The following PLEKHM3 variants were observed in gnomAD, a reference collection of about 807,000 sequenced individuals.
PLEKHM3 encodes pleckstrin homology domain-containing family M member 3.
In PLEKHM3, 45 loss-of-function variants were observed where a neutral mutation model predicts 81.8. The ratio of observed to expected loss-of-function variants is 0.55; its 90% confidence interval spans 0.43 to 0.71. The LOEUF is 0.71. PLEKHM3 is among the 30% of genes least tolerant of loss of function. The probability of loss-of-function intolerance (pLI) is 0.00; values close to 1 mark genes in which losing one functional copy is unlikely to be tolerated. For missense variants in PLEKHM3, 788 were observed against 924.3 expected (o/e 0.85, Z 1.91); for synonymous variants, 352 against 356.4 (o/e 0.99, Z 0.14).
At chr2:207,943,397 C>T (rs1356437564) in intron 4 of PLEKHM3, among the ~76,000 whole-genome samples, 1 of 152,172 alleles carries the variant, frequency 6.6e-6, no homozygotes, top group Non-Finnish European at 1.5e-5. Flanking sequence ...TCACAACATT[C>T]TGGCAGAAGG....
At chr2:208,010,240 C>T (rs889245216) in intron 1 of PLEKHM3, among the ~76,000 whole-genome samples, 3 of 152,232 alleles carry the variant, frequency 2.0e-5, no homozygotes, top group Non-Finnish European at 4.4e-5. Flanking sequence ...GAGACATTTG[C>T]TGCCTCAGAA....
intron 2 of PLEKHM3, among the ~76,000 whole-genome samples, chr2:207,993,887 T>C (rs1238933994): frequency 6.6e-6 from 1 of 152,176 alleles, no homozygotes; most frequent in Non-Finnish European, 1.5e-5. Flanking sequence ...AGAAGTAGAG[T>C]TACAAGACAC....
chr2:207,967,275 A>G (rs1261437236), intron 3 of PLEKHM3, among the ~76,000 whole-genome samples: 2 of 152,160 alleles, frequency 1.3e-5, no homozygotes, highest in African/African-American at 4.8e-5. Flanking sequence ...GATTATTGAC[A>G]TGAGCTACTG....
chr2:207,918,809 A>C (rs763099013), intron 5 of PLEKHM3, among the ~76,000 whole-genome samples: 125 of 152,242 alleles, frequency 8.2e-4, no homozygotes, highest in Non-Finnish European at 4.4e-4. Context: ...AGTGAATATA[A>C]CAGATAAAAA....
chr2:207,828,887 C>T (rs562515202), intron 7 of PLEKHM3, among the ~76,000 whole-genome samples: 2 of 152,270 alleles, frequency 1.3e-5, no homozygotes, highest in South Asian at 2.1e-4. Flanking sequence ...ACACCAGTGA[C>T]AGCCACAGCG....
chr2:207,833,893 T>C (rs1007212465), intron 7 of PLEKHM3, among the ~76,000 whole-genome samples: 2 of 152,214 alleles, frequency 1.3e-5, no homozygotes, highest in Non-Finnish European at 2.9e-5. Context: ...GTAGTGTACT[T>C]ATTCATTTAA....
intron 7 of PLEKHM3, among the ~76,000 whole-genome samples, chr2:207,836,357 A>T (rs2092319621): frequency 6.6e-6 from 1 of 151,360 alleles, no homozygotes; most frequent in Admixed American, 6.6e-5. Context: ...ATGAGACTAT[A>T]TATTTTATGA....
In PLEKHM3 at chr2:207,827,101, T is replaced by A. The variant is rs1002195707; in HGVS notation, c.*1218A>T. 6.6e-6 allele frequency: 1 copy of A among 151,788 alleles called. No individual in the cohort carries two copies. The highest frequency in any genetic ancestry group is 2.4e-5 in the African/African-American group (1 of 41,410). The allele number at this position is 151,788 out of a possible 1,614,324, so 9.4% of individuals were successfully genotyped here. A position where few individuals can be genotyped will look rare whatever the true frequency, so the allele number is the denominator to read the frequency against. On this transcript the variant is annotated 3_prime_UTR_variant, in exon 8 of 8. Transcript: ENST00000427836. Reference sequence around the variant, plus strand: ...TTATATATGTGTGTGTATATATATATATTTATTTAAATAATATTAGATCTA... The same window carrying A: ...TTATATATGTGTGTGTATATATATAAATTTATTTAAATAATATTAGATCTA...
intron 5 of PLEKHM3, among the ~76,000 whole-genome samples, chr2:207,917,018 T>C (rs2105914559): frequency 6.6e-6 from 1 of 152,312 alleles, no homozygotes; most frequent in East Asian, 1.9e-4. Flanking sequence ...ATTAGATCTC[T>C]GGAGAAAAAG....
intron 2 of PLEKHM3, among the ~76,000 whole-genome samples, chr2:207,994,840 T>A (rs1257345031): frequency 1.3e-5 from 2 of 152,134 alleles, no homozygotes; most frequent in African/African-American, 4.8e-5. Flanking sequence ...CCACATCCCA[T>A]CAACTGGTGG....
In PLEKHM3 at chr2:207,930,161, C is replaced by T. The variant is rs74406822; in HGVS notation, c.1886+765G>A. ...TGGTGTTCTATGAACTATGAGCTAA[C>T]TAAGTTACGGGAAAGCAGCCTGCAC... On this transcript the variant is annotated intron_variant, in intron 5 of 7. Transcript: ENST00000427836. Among the ~76,000 whole-genome samples the T allele has an allele frequency of 5.9e-5, 9 of 152,304 alleles. No individual in the cohort carries two copies. In the East Asian group the frequency reaches 1.3e-3, roughly 23 times the overall value.
chr2:207,876,342 T>A (rs2092559784), intron 6 of PLEKHM3, among the ~76,000 whole-genome samples: 1 of 152,182 alleles, frequency 6.6e-6, no homozygotes, highest in Admixed American at 6.5e-5. Context: ...ACAAACATAA[T>A]CTGCATATGC....
chr2:207,828,581 G>A, intron 7 of PLEKHM3, 85 bp from the exon 8 acceptor site: 1 of 1,379,002 alleles, frequency 7.3e-7, no homozygotes, highest in Non-Finnish European at 1.0e-6. Flanking sequence ...AGGTGCAGCT[G>A]GTGGCACAAT....
rs1023686676 is a variant in PLEKHM3 at position 207,828,576 on chromosome 2, C to T, written c.2109-80G>A. 8.6e-6 allele frequency: 12 copies of T among 1,390,718 alleles called. No homozygotes were observed. The African/African-American group carries it at 1.6e-4, about 18-fold the overall frequency. The allele number at this position is 1,390,718 out of a possible 1,614,324, so 86.1% of individuals were successfully genotyped here. ...ATGGGAAGCCCTGTGGCCTCAGGTG[C>T]AGCTGGTGGCACAATCTACTGTTCT... On this transcript the variant is annotated intron_variant, in intron 7 of 7. Coordinates refer to ENST00000427836, the MANE Select transcript of PLEKHM3 (RefSeq NM_001080475.3).
chr2:207,847,398 T>C (rs1230110180), intron 7 of PLEKHM3, among the ~76,000 whole-genome samples: 1 of 152,070 alleles, frequency 6.6e-6, no homozygotes, highest in Non-Finnish European at 1.5e-5. Context: ...GCTGAAGAGT[T>C]TTCATTAAAG....
At position 207,821,416 on chromosome 2, in the gene PLEKHM3, T is replaced by C. The variant is rs536455495; in HGVS notation, c.*6903A>G. 75 of 152,358 alleles carry C rather than the reference T, an allele frequency of 4.9e-4. 1 individual carries two copies. Among genetic ancestry groups the C allele is most frequent in the Middle Eastern group, 6.8e-3 (2 of 294 alleles). The allele number at this position is 152,358 out of a possible 1,614,324, so 9.4% of individuals were successfully genotyped here. A position where few individuals can be genotyped will look rare whatever the true frequency, so the allele number is the denominator to read the frequency against. ...TGTCAACAATACAACTTCAATTTTA[T>C]ATTATTACAGTTACTGATATTTTTA... On this transcript the variant is annotated 3_prime_UTR_variant, in exon 8 of 8. Transcript: ENST00000427836.
intron 3 of PLEKHM3, among the ~76,000 whole-genome samples, chr2:207,951,746 C>T (rs1031391234): frequency 6.6e-6 from 1 of 152,204 alleles, no homozygotes; most frequent in African/African-American, 2.4e-5. Context: ...CATACTTCTC[C>T]ACAAAAGCAC....
intron 7 of PLEKHM3, 141 bp from the exon 8 acceptor site, chr2:207,828,637 TGAA>T: frequency 2.7e-6 from 2 of 754,520 alleles, no homozygotes; most frequent in Non-Finnish European, 4.2e-6. Flanking sequence ...GATGACTCAC[TGAA>T]ATGAACTGTT....
intron 7 of PLEKHM3, among the ~76,000 whole-genome samples, chr2:207,830,432 G>A (rs1208617718): frequency 6.6e-6 from 1 of 151,916 alleles, no homozygotes; most frequent in Non-Finnish European, 1.5e-5. Context: ...TGGCCAACAT[G>A]GTGAAACCCC....
Sources: allele counts gnomAD v4.1 joint callset (sites outside exome capture counted in the v4.1 genomes callset), GRCh38; gene constraint gnomAD v4.1.1; transcripts MANE v1.5; gene names NCBI Gene and HGNC (gene_info 2026-07-23, HGNC 2026-07-21).